The following ERGIC1 variants were observed in gnomAD, a reference collection of about 807,000 sequenced individuals.
ERGIC1 encodes the protein endoplasmic reticulum-golgi intermediate compartment 1.
In ERGIC1, 19 loss-of-function variants were observed where a neutral mutation model predicts 38.3. The ratio of observed to expected loss-of-function variants is 0.50; its 90% confidence interval spans 0.35 to 0.73. ERGIC1 has a LOEUF of 0.73. ERGIC1 is among the 30% of genes least tolerant of loss of function. The probability of loss-of-function intolerance (pLI) is 0.01; values close to 1 mark genes in which losing one functional copy is unlikely to be tolerated. For synonymous variants in ERGIC1, 124 were observed against 157.6 expected (o/e 0.79, Z 1.60); for missense variants, 294 against 389.2 (o/e 0.76, Z 2.06).
At chr5:172,864,649 T>C (rs922103740) in intron 1 of ERGIC1, among the ~76,000 whole-genome samples, 1 of 151,942 alleles carries the variant, frequency 6.6e-6, no homozygotes, top group African/African-American at 2.4e-5. Context: ...GGTTGCAATC[T>C]ACTACTTTGA....
intron 1 of ERGIC1, among the ~76,000 whole-genome samples, chr5:172,881,845 G>A (rs1762291968): frequency 6.6e-6 from 1 of 152,190 alleles, no homozygotes; most frequent in Non-Finnish European, 1.5e-5. Flanking sequence ...AGGCCTCTGT[G>A]GCCCTAGTAT....
intron 5 of ERGIC1, among the ~76,000 whole-genome samples, chr5:172,919,410 C>T (rs1763454797): frequency 6.6e-6 from 1 of 152,212 alleles, no homozygotes; most frequent in African/African-American, 2.4e-5. Flanking sequence ...ATTCAAGCAC[C>T]TGGAGTGACA....
intron 1 of ERGIC1, among the ~76,000 whole-genome samples, chr5:172,862,434 T>C (rs1276552654): frequency 6.6e-6 from 1 of 151,510 alleles, no homozygotes; most frequent in Admixed American, 6.6e-5. Context: ...CATGTGTTTA[T>C]AGAAAGGCCC....
intron 1 of ERGIC1, among the ~76,000 whole-genome samples, chr5:172,883,629 G>GAGGC (rs1762337998): frequency 6.6e-6 from 1 of 152,190 alleles, no homozygotes; most frequent in Non-Finnish European, 1.5e-5. Context: ...GGCATATCAG[G>GAGGC]AGGCACAGGG....
At position 172,837,897 on chromosome 5, in the gene ERGIC1, A is replaced by G. The variant is rs933419810; in HGVS notation, c.20+3464A>G. On this transcript the variant is annotated intron_variant, in intron 1 of 9. Coordinates refer to ENST00000393784, the MANE Select transcript of ERGIC1 (RefSeq NM_001031711.3). The surrounding 1 kb of genome is among the most constrained non-coding windows in gnomAD (Gnocchi z 4.3). Reference sequence around the variant, plus strand: ...TAGCACCTGCTGCCTTCTGCACACCAGCCCAGGGTGGGTGAGGAGGGAAGA... The same window carrying G: ...TAGCACCTGCTGCCTTCTGCACACCGGCCCAGGGTGGGTGAGGAGGGAAGA... Among the ~76,000 whole-genome samples the G allele has an allele frequency of 6.6e-6, 1 of 152,190 alleles. No individual in the cohort carries two copies.
chr5:172,873,424 GA>G (rs1195988966), intron 1 of ERGIC1, among the ~76,000 whole-genome samples: 3 of 152,254 alleles, frequency 2.0e-5, no homozygotes, highest in African/African-American at 7.2e-5. Flanking sequence ...AAGTGGGGGT[GA>G]GGGGCCCCTC....
intron 9 of ERGIC1, among the ~76,000 whole-genome samples, chr5:172,939,050 G>C (rs1436709227): frequency 6.6e-6 from 1 of 151,884 alleles, no homozygotes; most frequent in East Asian, 1.9e-4. Context: ...GCGATAGAGT[G>C]AGACTCCATC....
chr5:172,950,891 C>T lies in ERGIC1; in HGVS notation c.*75C>T, dbSNP rs1001496505. Reference sequence around the variant, plus strand: ...CTCCAGTGCCCTGTCTCCTTTGGCCCTCAATCTGGTCCCAAATCTGGCTGT... The same window carrying T: ...CTCCAGTGCCCTGTCTCCTTTGGCCTTCAATCTGGTCCCAAATCTGGCTGT... On this transcript the variant is annotated 3_prime_UTR_variant, in exon 10 of 10. Coordinates refer to ENST00000393784, the MANE Select transcript of ERGIC1 (RefSeq NM_001031711.3). The T allele has an allele frequency of 3.7e-6, 5 of 1,336,712 alleles. No individual in the cohort carries two copies. The African/African-American group carries it at 4.4e-5, about 12-fold the overall frequency. The allele number at this position is 1,336,712 out of a possible 1,614,324, so 82.8% of individuals were successfully genotyped here.
intron 1 of ERGIC1, among the ~76,000 whole-genome samples, chr5:172,883,999 C>T (rs1024854882): frequency 2.0e-5 from 3 of 152,030 alleles, no homozygotes; most frequent in South Asian, 4.2e-4. Context: ...ATCAAAAAGA[C>T]GATGTCTGCC....
At chr5:172,886,231 G>A (rs553422384) in intron 1 of ERGIC1, among the ~76,000 whole-genome samples, 2 of 152,184 alleles carry the variant, frequency 1.3e-5, no homozygotes, top group South Asian at 4.2e-4. Flanking sequence ...TGCACATCGG[G>A]CTGTACCCTG....
At chr5:172,854,668 C>T (rs1761501265) in intron 1 of ERGIC1, among the ~76,000 whole-genome samples, 1 of 152,246 alleles carries the variant, frequency 6.6e-6, no homozygotes, top group Admixed American at 6.5e-5. Context: ...CCGGTTCCCG[C>T]CTTGTTCCCT....
At chr5:172,922,063 G>C (rs564234717) in intron 5 of ERGIC1, 1 of 152,488 alleles carries the variant, frequency 6.6e-6, no homozygotes, top group African/African-American at 2.4e-5. Context: ...GCCAAGGCCA[G>C]ATTCTTGTCT....
At chr5:172,931,197 A>G (rs1763768213) in intron 7 of ERGIC1, 1 of 152,216 alleles carries the variant, frequency 6.6e-6, no homozygotes. Flanking sequence ...TGGAAGGCCC[A>G]TGAGCTTCCT....
intron 1 of ERGIC1, among the ~76,000 whole-genome samples, chr5:172,865,429 A>G (rs1452933392): frequency 6.6e-6 from 1 of 152,342 alleles, no homozygotes; most frequent in East Asian, 1.9e-4. Context: ...AATGTGGCTG[A>G]TGACTTGGTT....
At chr5:172,949,848 G>A (rs1671956166) in intron 9 of ERGIC1, among the ~76,000 whole-genome samples, 1 of 152,124 alleles carries the variant, frequency 6.6e-6, no homozygotes, top group Non-Finnish European at 1.5e-5. Flanking sequence ...GGTGGAGCAC[G>A]AGGTCAGGAG....
At position 172,950,814 on chromosome 5, in the gene ERGIC1, T is replaced by C; in HGVS notation, c.871T>C (p.Ter291ArgextTer128). 1 of 1,608,434 alleles carries C rather than the reference T, an allele frequency of 6.2e-7. No homozygotes were observed. The highest frequency in any genetic ancestry group is 8.5e-7 in the Non-Finnish European group (1 of 1,175,816). ...WKKIQLGKMH[*>R] ...GAAGATCCAGCTGGGCAAGATGCAT[T>C]GACGCCACACCCAGCCTAATGGCCG... Residue 291 changes from the stop codon to arginine, a stop_lost, in exon 10 of 10, where the codon TGA (stop) becomes CGA (arginine). Coordinates refer to ENST00000393784, the MANE Select transcript of ERGIC1 (RefSeq NM_001031711.3).
chr5:172,938,728 G>A (rs980034703), intron 9 of ERGIC1, among the ~76,000 whole-genome samples: 5 of 148,666 alleles, frequency 3.4e-5, no homozygotes, highest in East Asian at 2.0e-4. Context: ...ACTCCAGCCT[G>A]GGTACCAGAG....
At chr5:172,887,625 GA>G (rs1171013507) in intron 1 of ERGIC1, among the ~76,000 whole-genome samples, 1 of 152,174 alleles carries the variant, frequency 6.6e-6, no homozygotes, top group East Asian at 1.9e-4. Flanking sequence ...AGCAGAGCCA[GA>G]ATTAAACCTG....
chr5:172,854,358 G>A (rs1318675604), intron 1 of ERGIC1, among the ~76,000 whole-genome samples: 1 of 152,192 alleles, frequency 6.6e-6, no homozygotes, highest in Non-Finnish European at 1.5e-5. Context: ...ACTTCAGCCT[G>A]GACAACAGAG....
Sources: allele counts gnomAD v4.1 joint callset (sites outside exome capture counted in the v4.1 genomes callset), GRCh38; gene constraint gnomAD v4.1.1; non-coding constraint Gnocchi (gnomAD v3.1); transcripts MANE v1.5; gene names NCBI Gene and HGNC (gene_info 2026-07-23, HGNC 2026-07-21).